The following IGSF11 variants were observed in gnomAD, a reference collection of about 807,000 sequenced individuals.
IGSF11 encodes the protein immunoglobulin superfamily member 11, also known as CXADR like 1.
IGSF11 carries 22 observed loss-of-function variants against 41.0 expected under a neutral mutation model. That is an observed-to-expected ratio of 0.54 (90% CI 0.38 to 0.77). The LOEUF (loss-of-function observed/expected upper bound fraction) is 0.77, where lower values mean the gene tolerates loss of function less well. IGSF11 is among the 30% of genes least tolerant of loss of function. The pLI is 0.00. For synonymous variants in IGSF11, 219 were observed against 201.3 expected, an observed-to-expected ratio of 1.09 and a Z score of -0.74; for missense variants, 444 against 530.8, an observed-to-expected ratio of 0.84 and a Z score of 1.61.
chr3:118,909,001 C>T (rs891222756), intron 4 of IGSF11, among the ~76,000 whole-genome samples: 1 of 152,160 alleles, frequency 6.6e-6, no homozygotes, highest in African/African-American at 2.4e-5. Context: ...ACTGTGAGGA[C>T]TAAATGAAAG....
chr3:119,142,027 G>A (rs1411140380), intron 1 of IGSF11, among the ~76,000 whole-genome samples: 1 of 152,076 alleles, frequency 6.6e-6, no homozygotes, highest in Admixed American at 6.5e-5. Flanking sequence ...TGTAATCCCA[G>A]CACTTTGGGA....
chr3:119,009,055 TACATACACACAC>T (rs1937761719), intron 1 of IGSF11, among the ~76,000 whole-genome samples: 1 of 152,110 alleles, frequency 6.6e-6, no homozygotes, highest in South Asian at 2.1e-4. Context: ...TATTTATACA[TACATACACACAC>T]ACATACACAC....
At chr3:118,903,768 T>C (rs961108990) in intron 6 of IGSF11, among the ~76,000 whole-genome samples, 1 of 152,170 alleles carries the variant, frequency 6.6e-6, no homozygotes, top group African/African-American at 2.4e-5. Context: ...CTATAGTCAA[T>C]GAGGGTAGTA....
At chr3:119,104,168 A>G (rs930353423) in intron 1 of IGSF11, among the ~76,000 whole-genome samples, 1 of 152,226 alleles carries the variant, frequency 6.6e-6, no homozygotes, top group African/African-American at 2.4e-5. Flanking sequence ...AATTACAACC[A>G]GCATGATCTA....
intron 6 of IGSF11, among the ~76,000 whole-genome samples, chr3:118,903,857 C>A (rs1288876762): frequency 6.6e-6 from 1 of 152,070 alleles, no homozygotes; most frequent in Non-Finnish European, 1.5e-5. Flanking sequence ...TGATGCCTGG[C>A]CTAATCTAGA....
chr3:118,959,707 G>C (rs957529331), intron 1 of IGSF11, among the ~76,000 whole-genome samples: 3 of 152,140 alleles, frequency 2.0e-5, no homozygotes, highest in African/African-American at 7.2e-5. Context: ...AGCTGTGTAT[G>C]TGTACCCATG....
At chr3:118,924,374 A>C (rs1942103836) in intron 4 of IGSF11, among the ~76,000 whole-genome samples, 1 of 152,132 alleles carries the variant, frequency 6.6e-6, no homozygotes, top group Admixed American at 6.6e-5. Context: ...TAGTAAAGTA[A>C]ATCTTCTGAA....
intron 1 of IGSF11, among the ~76,000 whole-genome samples, chr3:119,052,882 T>G (rs2107438396): frequency 6.6e-6 from 1 of 152,194 alleles, no homozygotes; most frequent in South Asian, 2.1e-4. Flanking sequence ...AAAACAGAAT[T>G]TAAAACAAAG....
chr3:118,994,800 C>T (rs1217041335), intron 1 of IGSF11, among the ~76,000 whole-genome samples: 3 of 152,132 alleles, frequency 2.0e-5, no homozygotes. Context: ...AGAAATATTA[C>T]AGAGAAGGGA....
In IGSF11 at chr3:118,976,665, A is replaced by G. The variant is rs556786134; in HGVS notation, c.53-46390T>C. Among the ~76,000 whole-genome samples the G allele has an allele frequency of 2.0e-5, 3 of 152,350 alleles. No homozygotes were observed. The South Asian group carries it at 6.2e-4, about 32-fold the overall frequency. On this transcript the variant is annotated intron_variant, in intron 1 of 6. Transcript: ENST00000393775. Reference sequence around the variant, plus strand: ...AGTGAACATTCTGAAAACTGGAAATAGGCAACCCTTCTTCCCCGAAGTTAT... The same window carrying G: ...AGTGAACATTCTGAAAACTGGAAATGGGCAACCCTTCTTCCCCGAAGTTAT...
intron 1 of IGSF11, among the ~76,000 whole-genome samples, chr3:118,988,636 G>C (rs985754887): frequency 6.6e-6 from 1 of 152,128 alleles, no homozygotes; most frequent in African/African-American, 2.4e-5. Context: ...CCTCGGGGTG[G>C]GAAACTTGGA....
At chr3:119,110,989 G>T (rs1413351413) in intron 1 of IGSF11, among the ~76,000 whole-genome samples, 1 of 151,660 alleles carries the variant, frequency 6.6e-6, no homozygotes, top group Non-Finnish European at 1.5e-5. Flanking sequence ...TCCCTTTGTG[G>T]GTAACCCGAC....
intron 1 of IGSF11, among the ~76,000 whole-genome samples, chr3:118,937,583 G>C: frequency 6.6e-6 from 1 of 152,122 alleles, no homozygotes; most frequent in Admixed American, 6.5e-5. Flanking sequence ...GAAATGAAGA[G>C]TAATAGCTGA....
At chr3:118,944,457 T>TACACACACACACACACAC (rs3079206) in intron 1 of IGSF11, among the ~76,000 whole-genome samples, 22 of 125,812 alleles carry the variant, frequency 1.7e-4, no homozygotes, top group African/African-American at 6.4e-4. Context: ...TAGCTTGAAA[T>TACACACACACACACACAC]ACACACACAC....
intron 4 of IGSF11, among the ~76,000 whole-genome samples, chr3:118,911,932 C>T (rs1031313456): frequency 6.6e-6 from 1 of 152,130 alleles, no homozygotes; most frequent in Admixed American, 6.5e-5. Context: ...AAGATCTACA[C>T]AGAGTTCACA....
intron 1 of IGSF11, among the ~76,000 whole-genome samples, chr3:119,001,080 GTCTC>G (rs1936780025): frequency 6.6e-6 from 1 of 152,004 alleles, no homozygotes; most frequent in African/African-American, 2.4e-5. Flanking sequence ...TGTACTGGCT[GTCTC>G]TCTGTCTGAA....
chr3:119,061,998 G>A (rs1942068267), intron 1 of IGSF11, among the ~76,000 whole-genome samples: 1 of 152,090 alleles, frequency 6.6e-6, no homozygotes, highest in African/African-American at 2.4e-5. Context: ...CATTGGGAAA[G>A]TCACTTAACC....
intron 1 of IGSF11, among the ~76,000 whole-genome samples, chr3:118,972,659 G>A (rs896746953): frequency 2.0e-5 from 3 of 152,064 alleles, no homozygotes; most frequent in Non-Finnish European, 4.4e-5. Context: ...CTCGTTATTC[G>A]GGGCAGACAC....
chr3:119,018,972 T>G (rs907184235), intron 1 of IGSF11, among the ~76,000 whole-genome samples: 1 of 152,248 alleles, frequency 6.6e-6, no homozygotes, highest in African/African-American at 2.4e-5. Context: ...TTCAGTTTAC[T>G]GTGAGCACCT....
Sources: gnomAD v4.1 joint callset for allele counts (sites outside exome capture counted in the v4.1 genomes callset) on GRCh38, gnomAD v4.1.1 for gene constraint, MANE v1.5 for transcripts, NCBI Gene and HGNC (gene_info 2026-07-23, HGNC 2026-07-21) for gene names.